XPNPEP3: variants seen among roughly 807,000 people sequenced by gnomAD.
The protein encoded by XPNPEP3 is xaa-Pro aminopeptidase 3.
In XPNPEP3, 41 loss-of-function variants were observed where a neutral mutation model predicts 60.0. The observed-to-expected ratio is 0.68, with a 90% CI of 0.53 to 0.89. XPNPEP3 has a LOEUF of 0.89. Ranked by LOEUF, XPNPEP3 falls within the 40% of genes least tolerant of loss-of-function variation. XPNPEP3 has a pLI of 0.00. For missense variants in XPNPEP3, 598 were observed against 638.9 expected, an observed-to-expected ratio of 0.94 and a Z score of 0.69; for synonymous variants, 212 against 223.2, an observed-to-expected ratio of 0.95 and a Z score of 0.45.
chr22:40,874,448 CAG>C (rs2058019925), intron 2 of XPNPEP3, among the ~76,000 whole-genome samples: 2 of 149,346 alleles, frequency 1.3e-5, no homozygotes, highest in Admixed American at 1.3e-4. Flanking sequence ...TTTTTTGAGA[CAG>C]GGTCTCACTC....
intron 1 of XPNPEP3, chr22:40,860,826 T>A (rs1288649956): frequency 3.1e-6 from 2 of 640,578 alleles, no homozygotes; most frequent in Non-Finnish European, 5.1e-6. Flanking sequence ...AATTTTTAAA[T>A]TTTTTGTAGA....
intron 4 of XPNPEP3, among the ~76,000 whole-genome samples, chr22:40,896,620 A>G (rs1011790154): frequency 2.6e-5 from 4 of 151,890 alleles, no homozygotes; most frequent in Non-Finnish European, 4.4e-5. Flanking sequence ...GGCAACCGAG[A>G]GAGACTCTGC....
intron 1 of XPNPEP3, chr22:40,861,043 G>A: frequency 1.9e-6 from 3 of 1,550,286 alleles, no homozygotes; most frequent in Non-Finnish European, 2.6e-6. Flanking sequence ...GTGTTCAAAT[G>A]TTATATATTT....
At chr22:40,907,471 C>T in intron 4 of XPNPEP3, 116 bp from the exon 5 acceptor site, 1 of 1,077,852 alleles carries the variant, frequency 9.3e-7, no homozygotes, top group Non-Finnish European at 1.4e-6. Flanking sequence ...GTCACAACTT[C>T]AGGCTGACGA....
At chr22:40,882,308 T>G (rs2058051407) in intron 3 of XPNPEP3, 131 bp downstream of exon 3, 2 of 1,030,586 alleles carry the variant, frequency 1.9e-6, no homozygotes, top group African/African-American at 3.2e-5. Flanking sequence ...ATGAAAGAAA[T>G]GTAAAGTCTT....
intron 7 of XPNPEP3, among the ~76,000 whole-genome samples, chr22:40,916,356 G>A (rs1276472857): frequency 6.6e-6 from 1 of 151,792 alleles, no homozygotes; most frequent in African/African-American, 2.4e-5. Flanking sequence ...AGACTCTAAA[G>A]TAGCTGTTAT....
intron 4 of XPNPEP3, among the ~76,000 whole-genome samples, chr22:40,904,665 C>T (rs2058147588): frequency 6.6e-6 from 1 of 152,204 alleles, no homozygotes; most frequent in Non-Finnish European, 1.5e-5. Context: ...GCCACTAGGA[C>T]TGCCATATGT....
intron 4 of XPNPEP3, among the ~76,000 whole-genome samples, chr22:40,899,127 A>T (rs754354069): frequency 5.9e-5 from 9 of 152,152 alleles, no homozygotes; most frequent in Non-Finnish European, 1.2e-4. Flanking sequence ...CATTTTCTTC[A>T]CTGAATAGCC....
At chr22:40,920,086 G>A (rs969935128) in intron 7 of XPNPEP3, among the ~76,000 whole-genome samples, 2 of 152,130 alleles carry the variant, frequency 1.3e-5, no homozygotes, top group Non-Finnish European at 2.9e-5. Flanking sequence ...TGGACATGTG[G>A]GCCAGGCGTG....
intron 4 of XPNPEP3, among the ~76,000 whole-genome samples, chr22:40,900,962 AAAAC>A (rs888570239): frequency 6.0e-4 from 91 of 151,814 alleles, no homozygotes; most frequent in African/African-American, 2.1e-3. Context: ...AAAATAATAA[AAAAC>A]AAAGGGAATG....
At chr22:40,888,116 A>G (rs2058076174) in intron 4 of XPNPEP3, among the ~76,000 whole-genome samples, 1 of 152,148 alleles carries the variant, frequency 6.6e-6, no homozygotes, top group Non-Finnish European at 1.5e-5. Flanking sequence ...TCCAGCCCCC[A>G]GTAACCTCTA....
chr22:40,871,413 A>G (rs2058005081), intron 2 of XPNPEP3, among the ~76,000 whole-genome samples: 1 of 152,160 alleles, frequency 6.6e-6, no homozygotes. Context: ...AAAATTATGT[A>G]ATGTGCACTT....
intron 1 of XPNPEP3, among the ~76,000 whole-genome samples, chr22:40,864,352 C>T (rs1415708411): frequency 6.6e-6 from 1 of 152,138 alleles, no homozygotes; most frequent in African/African-American, 2.4e-5. Flanking sequence ...TTAAGAACAT[C>T]ACAGGTAAAG....
At chr22:40,868,967 GT>G in intron 1 of XPNPEP3, 31 bp from the exon 2 acceptor site, 1 of 1,552,262 alleles carries the variant, frequency 6.4e-7, no homozygotes, top group South Asian at 1.1e-5. Flanking sequence ...TAGATCTATT[GT>G]TTCATTTCAT....
At chr22:40,887,954 A>G (rs1018831453) in intron 4 of XPNPEP3, among the ~76,000 whole-genome samples, 1 of 152,240 alleles carries the variant, frequency 6.6e-6, no homozygotes. Flanking sequence ...TGAAATGTGC[A>G]TAACATAAAA....
At chr22:40,901,681 C>T (rs1214748910) in intron 4 of XPNPEP3, among the ~76,000 whole-genome samples, 1 of 151,992 alleles carries the variant, frequency 6.6e-6, no homozygotes, top group East Asian at 1.9e-4. Flanking sequence ...CACCATGTTG[C>T]CAAGGCTGGT....
chr22:40,903,493 ATT>A (rs770706790), intron 4 of XPNPEP3, among the ~76,000 whole-genome samples: 2 of 142,104 alleles, frequency 1.4e-5, no homozygotes, highest in African/African-American at 2.6e-5. Context: ...CAAGTCATTG[ATT>A]TTTTTTTTTT....
chr22:40,861,325 C>A, intron 1 of XPNPEP3: 1 of 1,614,110 alleles, frequency 6.2e-7, no homozygotes, highest in Non-Finnish European at 8.5e-7. Context: ...ACACTATTTA[C>A]AAGAAAAAAT....
At chr22:40,898,235 T>C in intron 4 of XPNPEP3, among the ~76,000 whole-genome samples, 5 of 47,820 alleles carry the variant, frequency 1.0e-4, no homozygotes, top group African/African-American at 4.7e-4. Flanking sequence ...ATTTTTTTTT[T>C]TTTTTTTTTT....
Sources: gnomAD v4.1 joint callset for allele counts (sites outside exome capture counted in the v4.1 genomes callset) on GRCh38, gnomAD v4.1.1 for gene constraint, MANE v1.5 for transcripts, NCBI Gene and HGNC (gene_info 2026-07-23, HGNC 2026-07-21) for gene names.